The following INTS2 variants were observed in gnomAD, a reference collection of about 807,000 sequenced individuals.
INTS2 encodes the protein integrator complex subunit 2.
INTS2 carries 57 observed loss-of-function variants against 139.6 expected under a neutral mutation model. The ratio of observed to expected loss-of-function variants is 0.41; its 90% confidence interval spans 0.33 to 0.51. INTS2 has a LOEUF of 0.51. Ranked by LOEUF, INTS2 falls within the 20% of genes least tolerant of loss-of-function variation. The probability of loss-of-function intolerance (pLI) is 0.28; values close to 1 mark genes in which losing one functional copy is unlikely to be tolerated. For missense variants in INTS2, 1,196 were observed against 1,436.7 expected (o/e 0.83, Z 2.71); for synonymous variants, 473 against 493.4 (o/e 0.96, Z 0.55).
intron 14 of INTS2, among the ~76,000 whole-genome samples, chr17:61,891,237 G>A (rs1007113459): frequency 1.3e-5 from 2 of 151,828 alleles, no homozygotes; most frequent in Admixed American, 1.3e-4. Flanking sequence ...AGAGGTTGCA[G>A]GGAGGAGGAG....
In INTS2 at chr17:61,874,978, C is replaced by T; in HGVS notation, c.2517G>A (p.Lys839=). The part of the protein sequence containing the change: ...QPSIKFVRQQ[K]YTQNDLMIDP... ...CTATCATCAGGTCATTCTGAGTATA[C>T]TTTTGTTGTCGTACAAACTTTATTG... The change falls in exon 19 of 25, where the codon AAG becomes AAA. Residue 839 remains lysine, a synonymous_variant. Transcript: ENST00000251334. 1 of 1,597,534 alleles carries T rather than the reference C, an allele frequency of 6.3e-7. No homozygotes were observed. Among genetic ancestry groups the T allele is most frequent in the Non-Finnish European group, 8.5e-7 (1 of 1,170,978 alleles).
intron 14 of INTS2, 45 bp downstream of exon 14, chr17:61,891,468 T>C: frequency 1.4e-6 from 2 of 1,438,426 alleles, no homozygotes; most frequent in Non-Finnish European, 1.9e-6. Context: ...TAAGAAGAAC[T>C]AAAAGAAAAA....
Position 61,919,410 on chromosome 17 carries a change from A to G in INTS2, c.639T>C (p.Ser213=). ...LCLLVANVPD[S]FNEVCRGLIK... ...TAGAATCATATTTACCTTCATTAAA[A>G]CTATCAGGAACATTGGCCACCAAGA... The change falls in exon 5 of 25, where the codon AGT becomes AGC. Residue 213 remains serine, a synonymous_variant. Coordinates refer to ENST00000251334, the MANE Select transcript of INTS2 (RefSeq NM_001351695.2). 6.5e-7 allele frequency: 1 copy of G among 1,548,450 alleles called. No homozygotes were observed. Among genetic ancestry groups the G allele is most frequent in the Non-Finnish European group, 8.9e-7 (1 of 1,128,964 alleles).
chr17:61,887,824 G>C (rs1345740792), intron 15 of INTS2, among the ~76,000 whole-genome samples: 1 of 151,520 alleles, frequency 6.6e-6, no homozygotes, highest in Non-Finnish European at 1.5e-5. Flanking sequence ...AGGCTGAGGT[G>C]TGTGGATCAC....
rs1011566601 is a variant in INTS2, at chr17:61,871,949, CA to C, written c.2778+315del. On this transcript the variant is annotated intron_variant, in intron 20 of 24. Coordinates refer to ENST00000251334, the MANE Select transcript of INTS2 (RefSeq NM_001351695.2). The surrounding 1 kb of genome is among the most constrained non-coding windows in gnomAD (Gnocchi z 4.9). ...ACTCTGTCTCAAAAAACAAAAAAAA[CA>C]AAAAAAATGTGCCGAATGAATAAAC... 1.1e-4 allele frequency: 20 copies of C among 182,134 alleles called. No individual in the cohort carries two copies. Among genetic ancestry groups the C allele is most frequent in the Non-Finnish European group, 1.7e-4 (15 of 89,642 alleles). 11.3% of individuals were successfully genotyped at this position (182,134 alleles called of 1,614,324 possible).
chr17:61,900,823 T>C (rs2079397497), intron 9 of INTS2, among the ~76,000 whole-genome samples: 1 of 151,958 alleles, frequency 6.6e-6, no homozygotes, highest in African/African-American at 2.4e-5. Flanking sequence ...CTGAGGGTGG[T>C]GGCACATGCC....
intron 7 of INTS2, among the ~76,000 whole-genome samples, chr17:61,908,704 T>C (rs1831168337): frequency 6.6e-6 from 1 of 152,156 alleles, no homozygotes; most frequent in African/African-American, 2.4e-5. Flanking sequence ...GTTTATTGAA[T>C]ACAAAAGACA....
At chr17:61,906,803 G>T (rs921392870) in intron 8 of INTS2, among the ~76,000 whole-genome samples, 8 of 146,368 alleles carry the variant, frequency 5.5e-5, no homozygotes, top group African/African-American at 2.0e-4. Flanking sequence ...TGGCCAACAT[G>T]GTGAAACCCC....
At chr17:61,924,932 A>C in intron 3 of INTS2, 29 bp downstream of exon 3, 1 of 1,602,602 alleles carries the variant, frequency 6.2e-7, no homozygotes, top group Non-Finnish European at 8.5e-7. Flanking sequence ...AATCATGCAT[A>C]CTTTGAGCTG....
chr17:61,914,745 C>T (rs906513175), intron 5 of INTS2, among the ~76,000 whole-genome samples: 2 of 150,126 alleles, frequency 1.3e-5, no homozygotes, highest in South Asian at 2.1e-4. Context: ...CCAGTGGTAT[C>T]GGCTGGTAGC....
In INTS2 at chr17:61,871,151, C is replaced by CG. The variant is rs2079085252; in HGVS notation, c.2778+1113dup. Among the ~76,000 whole-genome samples the CG allele has an allele frequency of 6.6e-6, 1 of 152,096 alleles. No individual in the cohort carries two copies. The highest frequency in any genetic ancestry group is 2.4e-5 in the African/African-American group (1 of 41,420). Reference sequence around the variant, plus strand: ...TGTTGTTGTTGTTGAGATGGAGTCTCGCTCTGTCGCCCAGGCTGTAGTGCA... The same window carrying CG: ...TGTTGTTGTTGTTGAGATGGAGTCTCGGCTCTGTCGCCCAGGCTGTAGTGCA... On this transcript the variant is annotated intron_variant, in intron 20 of 24. Transcript: ENST00000251334. This position sits in a 1 kb window ranked among gnomAD's most constrained non-coding sequence, Gnocchi z 4.9.
intron 14 of INTS2, among the ~76,000 whole-genome samples, chr17:61,890,537 G>A (rs1370851356): frequency 6.6e-6 from 1 of 151,004 alleles, no homozygotes; most frequent in Non-Finnish European, 1.5e-5. Flanking sequence ...TTGAACCCAG[G>A]AGGCAGAGTT....
intron 4 of INTS2, among the ~76,000 whole-genome samples, chr17:61,920,903 G>A (rs936946050): frequency 9.9e-5 from 15 of 152,040 alleles, no homozygotes; most frequent in Non-Finnish European, 1.3e-4. Context: ...TCCTGCCTCA[G>A]CTTCCCATGC....
chr17:61,890,767 A>G (rs994056924), intron 14 of INTS2, among the ~76,000 whole-genome samples: 2 of 151,404 alleles, frequency 1.3e-5, no homozygotes, highest in Non-Finnish European at 2.9e-5. Context: ...GAAGCTTAAA[A>G]AAAAAAAAAT....
In INTS2 at chr17:61,871,336, G is replaced by C. The variant is rs897463204; in HGVS notation, c.2778+929C>G. On this transcript the variant is annotated intron_variant, in intron 20 of 24. Transcript: ENST00000251334. This position sits in a 1 kb window ranked among gnomAD's most constrained non-coding sequence, Gnocchi z 4.9. ...GGGTTTCACCATGTTGGCCAGGCTGGTCTCAAAACTCCTGAACTCAGGTGA... is the reference window on the plus strand; with the variant it reads ...GGGTTTCACCATGTTGGCCAGGCTGCTCTCAAAACTCCTGAACTCAGGTGA... Among the ~76,000 whole-genome samples the C allele has an allele frequency of 2.6e-5, 4 of 152,010 alleles. No homozygotes were observed. The highest frequency in any genetic ancestry group is 9.7e-5 in the African/African-American group (4 of 41,396).
At chr17:61,891,320 A>C (rs771825768) in intron 14 of INTS2, among the ~76,000 whole-genome samples, 193 bp downstream of exon 14, 1 of 152,152 alleles carries the variant, frequency 6.6e-6, no homozygotes, top group Non-Finnish European at 1.5e-5. Context: ...CTCAAAAAAA[A>C]AAGTGCCTGT....
rs901062957 is a variant in INTS2 at position 61,891,426 on chromosome 17, C to T, written c.1875+87G>A. ...TTTAAATTCAGAACTACCTAGAAGT[C>T]CTCTGATAGGAAAATAAAAATATGG... On this transcript the variant is annotated intron_variant, in intron 14 of 24. Transcript: ENST00000251334. The T allele has an allele frequency of 9.1e-6, 9 of 993,856 alleles. No individual in the cohort carries two copies. The African/African-American group carries it at 1.5e-4, about 16-fold the overall frequency. The allele number at this position is 993,856 out of a possible 1,614,324, so 61.6% of individuals were successfully genotyped here.
At chr17:61,880,926 G>A in intron 17 of INTS2, 81 bp downstream of exon 17, 1 of 1,108,290 alleles carries the variant, frequency 9.0e-7, no homozygotes, top group Admixed American at 2.1e-5. Context: ...GGAAAATTCT[G>A]TATGATTATA....
intron 17 of INTS2, among the ~76,000 whole-genome samples, chr17:61,879,092 T>TTG (rs1269224941): frequency 7.3e-6 from 1 of 136,358 alleles, no homozygotes; most frequent in East Asian, 2.1e-4. Context: ...TTTTTTTTTT[T>TTG]TTTTTTTTCC....
Sources: allele counts gnomAD v4.1 joint callset (sites outside exome capture counted in the v4.1 genomes callset), GRCh38; gene constraint gnomAD v4.1.1; non-coding constraint Gnocchi (gnomAD v3.1); transcripts MANE v1.5; gene names NCBI Gene and HGNC (gene_info 2026-07-23, HGNC 2026-07-21).